The following ITGA9 variants were observed in gnomAD, a reference collection of about 807,000 sequenced individuals.
ITGA9 encodes integrin subunit alpha 9.
A neutral mutation model predicts 127.8 loss-of-function variants in ITGA9; 56 were observed. The ratio of observed to expected loss-of-function variants is 0.44; its 90% CI spans 0.35 to 0.55. The LOEUF (loss-of-function observed/expected upper bound fraction) is 0.55, where lower values mean the gene tolerates loss of function less well. Among genes scored for constraint, ITGA9 ranks in the 20% least tolerant of loss-of-function variants. ITGA9 has a pLI of 0.00. For missense variants in ITGA9, 1,196 were observed against 1,347.1 expected (o/e 0.89, Z 1.76); for synonymous variants, 508 against 514.5 (o/e 0.99, Z 0.17).
intron 5 of ITGA9, among the ~76,000 whole-genome samples, chr3:37,499,210 G>A (rs1375589342): frequency 6.6e-6 from 1 of 152,256 alleles, no homozygotes; most frequent in African/African-American, 2.4e-5. Context: ...TTAGCAGCAA[G>A]AGAGGATTTG....
intron 8 of ITGA9, among the ~76,000 whole-genome samples, chr3:37,512,064 CTTTCTTTCT>C: frequency 1.1e-4 from 6 of 56,460 alleles, no homozygotes; most frequent in Admixed American, 2.9e-4. Context: ...TTCTTTCTTT[CTTTCTTTCT>C]TTCCTTCCTT....
At chr3:37,633,229 T>G (rs1361020238) in intron 16 of ITGA9, among the ~76,000 whole-genome samples, 1 of 151,970 alleles carries the variant, frequency 6.6e-6, no homozygotes, top group Admixed American at 6.6e-5. Flanking sequence ...CTTTTATGGG[T>G]AAGAAAAAAA....
intron 16 of ITGA9, among the ~76,000 whole-genome samples, chr3:37,633,709 C>T (rs181887040): frequency 8.5e-5 from 13 of 152,242 alleles, no homozygotes; most frequent in East Asian, 1.9e-4. Context: ...GAAGCCACTG[C>T]GGTATTAACA....
intron 15 of ITGA9, among the ~76,000 whole-genome samples, chr3:37,542,822 A>T (rs1559532568): frequency 6.6e-6 from 1 of 152,056 alleles, no homozygotes. Context: ...GAGACCAGTG[A>T]TGGTCCCTGG....
chr3:37,738,710 A>G (rs1241701422), intron 20 of ITGA9, among the ~76,000 whole-genome samples: 1 of 152,194 alleles, frequency 6.6e-6, no homozygotes, highest in Non-Finnish European at 1.5e-5. Context: ...AGACCCATCA[A>G]TGTGCTCTCT....
At position 37,732,705 on chromosome 3, in the gene ITGA9, C is replaced by T. The variant is rs778634196; in HGVS notation, c.2068-7C>T. On this transcript the variant is annotated splice_region_variant and splice_polypyrimidine_tract_variant and intron_variant, in intron 18 of 27. Transcript: ENST00000264741. ...GCCGGCCCATCTGTTGGTGCTTTTT[C>T]TTTCAGGAGGAGATGGGCATCTCCT... 2 of 1,603,766 alleles carry T rather than the reference C, an allele frequency of 1.2e-6. No individual in the cohort carries two copies. The highest frequency in any genetic ancestry group is 4.5e-5 in the East Asian group (2 of 44,602).
chr3:37,582,828 G>A (rs756117374), intron 15 of ITGA9, among the ~76,000 whole-genome samples: 3 of 152,210 alleles, frequency 2.0e-5, no homozygotes, highest in Non-Finnish European at 4.4e-5. Context: ...AAAAGAAGAT[G>A]TCTGTTCCAC....
chr3:37,664,691 C>T (rs1173829271), intron 17 of ITGA9, among the ~76,000 whole-genome samples: 3 of 151,530 alleles, frequency 2.0e-5, no homozygotes, highest in Non-Finnish European at 4.4e-5. Context: ...CATGAACCAC[C>T]GCGCCTGGCC....
chr3:37,764,990 T>C (rs1696763692), intron 23 of ITGA9, among the ~76,000 whole-genome samples: 1 of 152,242 alleles, frequency 6.6e-6, no homozygotes. Flanking sequence ...GAAATTACTC[T>C]CTTATCATCA....
intron 15 of ITGA9, among the ~76,000 whole-genome samples, chr3:37,565,198 G>A (rs1338215217): frequency 1.3e-5 from 2 of 152,146 alleles, no homozygotes; most frequent in Non-Finnish European, 2.9e-5. Context: ...CGCCCCAGAG[G>A]GTGCTTAGCA....
At chr3:37,684,325 G>A (rs1164084089) in intron 18 of ITGA9, among the ~76,000 whole-genome samples, 1 of 152,156 alleles carries the variant, frequency 6.6e-6, no homozygotes, top group Non-Finnish European at 1.5e-5. Context: ...TACAGTTGCT[G>A]TCTCCAGCAC....
At chr3:37,605,791 T>C (rs1186459569) in intron 15 of ITGA9, among the ~76,000 whole-genome samples, 1 of 152,226 alleles carries the variant, frequency 6.6e-6, no homozygotes, top group East Asian at 1.9e-4. Context: ...TTTGTTTCTT[T>C]ACTGCCATCA....
chr3:37,499,094 C>A (rs1046291378), intron 5 of ITGA9, among the ~76,000 whole-genome samples: 2 of 152,252 alleles, frequency 1.3e-5, no homozygotes, highest in Non-Finnish European at 2.9e-5. Context: ...GCCTTCGGAG[C>A]TATGGATACC....
At chr3:37,593,062 G>A (rs949873145) in intron 15 of ITGA9, among the ~76,000 whole-genome samples, 1 of 152,174 alleles carries the variant, frequency 6.6e-6, no homozygotes, top group Non-Finnish European at 1.5e-5. Context: ...CCATGTCTTT[G>A]CACAGGCTGC....
intron 16 of ITGA9, among the ~76,000 whole-genome samples, chr3:37,645,176 A>C (rs1313760619): frequency 6.6e-6 from 1 of 152,204 alleles, no homozygotes; most frequent in African/African-American, 2.4e-5. Flanking sequence ...GTGGGGCTAT[A>C]GAAGGAACAC....
At chr3:37,614,293 C>G (rs1700052577) in intron 15 of ITGA9, among the ~76,000 whole-genome samples, 1 of 151,982 alleles carries the variant, frequency 6.6e-6, no homozygotes, top group African/African-American at 2.4e-5. Context: ...GGCATTATTT[C>G]TGAGGGCTCT....
At chr3:37,490,378 C>A (rs1289495697) in intron 4 of ITGA9, among the ~76,000 whole-genome samples, 1 of 152,178 alleles carries the variant, frequency 6.6e-6, no homozygotes, top group Admixed American at 6.5e-5. Flanking sequence ...TATAACAACT[C>A]CTTGGTGAAA....
At chr3:37,619,268 C>T (rs1700105126) in intron 15 of ITGA9, among the ~76,000 whole-genome samples, 2 of 152,274 alleles carry the variant, frequency 1.3e-5, no homozygotes, top group African/African-American at 4.8e-5. Context: ...GTGACCCTAG[C>T]ACTGTATCCA....
chr3:37,766,232 A>T (rs1273193660), intron 23 of ITGA9, among the ~76,000 whole-genome samples: 1 of 152,234 alleles, frequency 6.6e-6, no homozygotes, highest in Non-Finnish European at 1.5e-5. Context: ...CATACACCCC[A>T]AGTTTCTTCA....
Sources: allele counts gnomAD v4.1 joint callset (sites outside exome capture counted in the v4.1 genomes callset), GRCh38; gene constraint gnomAD v4.1.1; transcripts MANE v1.5; gene names NCBI Gene and HGNC (gene_info 2026-07-23, HGNC 2026-07-21).